The following CHODL variants were observed in gnomAD, a reference collection of about 807,000 sequenced individuals.
CHODL encodes the protein transmembrane protein MT75.
In CHODL, 29 loss-of-function variants were observed where a neutral mutation model predicts 34.5. The ratio of observed to expected loss-of-function variants is 0.84; its 90% CI spans 0.63 to 1.15. The LOEUF (loss-of-function observed/expected upper bound fraction) is 1.15. Ranked by LOEUF, CHODL falls within the 50% of genes most tolerant of loss-of-function variation. CHODL has a pLI of 0.00. For synonymous variants in CHODL, 125 were observed against 116.1 expected, an observed-to-expected ratio of 1.08 and a Z score of -0.49; for missense variants, 332 against 332.5, an observed-to-expected ratio of 1.00 and a Z score of 0.01.
At chr21:18,067,858 A>G (rs1477645039) in intron 2 of CHODL, among the ~76,000 whole-genome samples, 1 of 152,174 alleles carries the variant, frequency 6.6e-6, no homozygotes, top group Non-Finnish European at 1.5e-5. Context: ...CTAGCCAGAA[A>G]GGTCATTTGT....
At chr21:18,134,631 C>T (rs2072698049) in intron 2 of CHODL, among the ~76,000 whole-genome samples, 1 of 152,134 alleles carries the variant, frequency 6.6e-6, no homozygotes, top group Non-Finnish European at 1.5e-5. Flanking sequence ...AATAAATACT[C>T]CTTCTACCAT....
chr21:18,192,165 C>G (rs1326190596), intron 2 of CHODL, among the ~76,000 whole-genome samples: 5 of 152,146 alleles, frequency 3.3e-5, no homozygotes, highest in African/African-American at 1.2e-4. Context: ...CTCTGCTTCT[C>G]CCACTCAGCC....
intron 2 of CHODL, among the ~76,000 whole-genome samples, chr21:18,235,804 A>G (rs1442030953): frequency 6.6e-6 from 1 of 152,144 alleles, no homozygotes; most frequent in Non-Finnish European, 1.5e-5. Flanking sequence ...AAAGACAGAC[A>G]AATAGTTCAT....
chr21:18,003,691 G>C (rs1015473016), intron 1 of CHODL, among the ~76,000 whole-genome samples: 2 of 151,912 alleles, frequency 1.3e-5, no homozygotes, highest in African/African-American at 2.4e-5. Context: ...CTTTCTGTCT[G>C]TCTCTCTCTC....
At chr21:17,949,410 GA>G (rs914578240) in intron 1 of CHODL, among the ~76,000 whole-genome samples, 6 of 151,770 alleles carry the variant, frequency 4.0e-5, no homozygotes, top group Non-Finnish European at 5.9e-5. Flanking sequence ...TAAAGACTGT[GA>G]AAAAAAAGAC....
At chr21:18,028,250 T>C (rs77995094) in intron 2 of CHODL, among the ~76,000 whole-genome samples, 3,286 of 65,748 alleles carry the variant, frequency 0.05, 145 homozygotes, top group South Asian at 0.13. Context: ...CCTTCCCCTT[T>C]TCCTTTTCTT....
At chr21:18,034,105 A>G (rs1478860676) in intron 2 of CHODL, among the ~76,000 whole-genome samples, 2 of 151,952 alleles carry the variant, frequency 1.3e-5, no homozygotes, top group African/African-American at 4.8e-5. Flanking sequence ...TGTTCATATT[A>G]TGACTGTGCT....
intron 2 of CHODL, among the ~76,000 whole-genome samples, chr21:18,201,800 CTTTT>C (rs547855975): frequency 3.9e-4 from 45 of 114,408 alleles, no homozygotes; most frequent in Non-Finnish European, 6.2e-4. Flanking sequence ...TTTTTAAAAA[CTTTT>C]TTTTTTTTTT....
At chr21:18,012,009 T>C (rs923504961) in intron 1 of CHODL, among the ~76,000 whole-genome samples, 2 of 152,228 alleles carry the variant, frequency 1.3e-5, no homozygotes, top group Non-Finnish European at 2.9e-5. Flanking sequence ...ATCTTTAATA[T>C]TCTGTTTTTA....
intron 1 of CHODL, among the ~76,000 whole-genome samples, chr21:17,987,274 A>C (rs940334489): frequency 1.3e-5 from 2 of 152,194 alleles, no homozygotes; most frequent in Admixed American, 6.5e-5. Context: ...TTCTACTGAC[A>C]TCAGTATAAT....
At chr21:18,209,117 C>A (rs2073746269) in intron 2 of CHODL, among the ~76,000 whole-genome samples, 2 of 152,202 alleles carry the variant, frequency 1.3e-5, no homozygotes, top group South Asian at 4.1e-4. Flanking sequence ...ATGGCAAGAT[C>A]TCCCTGGCCC....
chr21:17,972,901 G>A (rs1306195608), intron 1 of CHODL, among the ~76,000 whole-genome samples: 2 of 152,152 alleles, frequency 1.3e-5, no homozygotes, highest in Non-Finnish European at 2.9e-5. Context: ...ATACTACAAT[G>A]TGACAGTAAC....
At chr21:18,022,519 T>A (rs2064137211) in intron 1 of CHODL, 1 of 152,208 alleles carries the variant, frequency 6.6e-6, no homozygotes, top group South Asian at 2.1e-4. Context: ...TTTGAGGGGC[T>A]ATTTTTTTGG....
intron 2 of CHODL, among the ~76,000 whole-genome samples, chr21:18,197,086 A>C (rs1278683834): frequency 1.3e-5 from 2 of 152,192 alleles, no homozygotes; most frequent in African/African-American, 2.4e-5. Flanking sequence ...ATGTACATCA[A>C]AATATTACAT....
chr21:18,020,944 A>G (rs1266388966), intron 1 of CHODL, among the ~76,000 whole-genome samples: 1 of 152,144 alleles, frequency 6.6e-6, no homozygotes, highest in Non-Finnish European at 1.5e-5. Context: ...TTCTCTCTAT[A>G]TTTATATGAT....
chr21:17,966,334 C>T (rs1266971175), intron 1 of CHODL, among the ~76,000 whole-genome samples: 1 of 152,146 alleles, frequency 6.6e-6, no homozygotes, highest in East Asian at 1.9e-4. Context: ...AGTTAAAACA[C>T]AGTTCCACAT....
chr21:18,217,517 G>T (rs2073842016), intron 2 of CHODL, among the ~76,000 whole-genome samples: 1 of 152,006 alleles, frequency 6.6e-6, no homozygotes, highest in Non-Finnish European at 1.5e-5. Flanking sequence ...ACCTCCCATT[G>T]CGTCCTTCCC....
At chr21:18,070,199 C>T (rs146924962) in intron 2 of CHODL, among the ~76,000 whole-genome samples, 4 of 151,906 alleles carry the variant, frequency 2.6e-5, no homozygotes, top group African/African-American at 7.2e-5. Flanking sequence ...TGTAACCAAA[C>T]ACCACCTGTT....
chr21:18,249,079 A>G (rs985649706), intron 1 of CHODL, among the ~76,000 whole-genome samples: 27 of 117,098 alleles, frequency 2.3e-4, no homozygotes, highest in Non-Finnish European at 3.7e-4. Context: ...TATATAATAT[A>G]TATATAATAA....
Sources: gnomAD v4.1 joint callset for allele counts (sites outside exome capture counted in the v4.1 genomes callset) on GRCh38, gnomAD v4.1.1 for gene constraint, MANE v1.5 for transcripts, NCBI Gene and HGNC (gene_info 2026-07-23, HGNC 2026-07-21) for gene names.